The following TMEM201 variants were observed in gnomAD, a reference collection of about 807,000 sequenced individuals.
The protein encoded by TMEM201 is RP13-15M17.2.
In TMEM201, 26 loss-of-function variants were observed where a neutral mutation model predicts 63.4. That is an observed-to-expected ratio of 0.41 (90% CI 0.30 to 0.57). TMEM201 has a LOEUF of 0.57. TMEM201 is among the 20% of genes least tolerant of loss of function. TMEM201 has a pLI of 0.29. For synonymous variants in TMEM201, 417 were observed against 421.6 expected, an observed-to-expected ratio of 0.99 and a Z score of 0.14; for missense variants, 794 against 917.7, an observed-to-expected ratio of 0.87 and a Z score of 1.74.
chr1:9,601,741 G>A (rs970747120), intron 5 of TMEM201, among the ~76,000 whole-genome samples: 1 of 152,110 alleles, frequency 6.6e-6, no homozygotes, highest in East Asian at 1.9e-4. Context: ...CTGCCTCCTG[G>A]GTTGTGGGGG....
chr1:9,607,316 G>A lies in TMEM201; in HGVS notation c.1161-241G>A, dbSNP rs189296851. Among the ~76,000 whole-genome samples, 5 of 152,146 alleles carry A rather than the reference G, an allele frequency of 3.3e-5. No homozygotes were observed. Among genetic ancestry groups the A allele is most frequent in the Non-Finnish European group, 5.9e-5 (4 of 67,986 alleles). On this transcript the variant is annotated intron_variant, in intron 6 of 10. Coordinates refer to ENST00000340381, the MANE Select transcript of TMEM201 (RefSeq NM_001130924.3). This position sits in a 1 kb window ranked among gnomAD's most constrained non-coding sequence, Gnocchi z 5.4. ...TAGTGGAGATAGTTTGCTGTGAGCC[G>A]AGGGGGTAGGAGGGGGCATGTGGGG...
chr1:9,603,467 T>C lies in TMEM201; in HGVS notation c.1160+1195T>C. On this transcript the variant is annotated intron_variant, in intron 6 of 10. Transcript: ENST00000340381. The surrounding 1 kb of genome is among the most constrained non-coding windows in gnomAD (Gnocchi z 4.5). ...GCCCGAGGCCGTCCCTCACCGGGCATGTTCCCTCTGGCTGCCCACTCCCTC... is the reference window on the plus strand; with the variant it reads ...GCCCGAGGCCGTCCCTCACCGGGCACGTTCCCTCTGGCTGCCCACTCCCTC... 4 of 985,410 alleles carry C rather than the reference T, an allele frequency of 4.1e-6. No individual in the cohort carries two copies. Among genetic ancestry groups the C allele is most frequent in the Non-Finnish European group, 4.8e-6 (4 of 829,960 alleles). 61.0% of individuals were successfully genotyped at this position (985,410 alleles called of 1,614,324 possible). A position where few individuals can be genotyped will look rare whatever the true frequency, so the allele number is the denominator to read the frequency against.
chr1:9,593,960 A>G (rs1267313991), intron 1 of TMEM201, among the ~76,000 whole-genome samples: 2 of 152,246 alleles, frequency 1.3e-5, no homozygotes, highest in Non-Finnish European at 2.9e-5. Context: ...GGAGTGCTAG[A>G]TGCGGGCACC....
chr1:9,591,725 C>T (rs1643922262), intron 1 of TMEM201, among the ~76,000 whole-genome samples: 1 of 152,238 alleles, frequency 6.6e-6, no homozygotes, highest in African/African-American at 2.4e-5. Flanking sequence ...GAGCCTCATT[C>T]TGGAAGTCAG....
intron 4 of TMEM201, 26 bp downstream of exon 4, chr1:9,598,651 G>A (rs796531979): frequency 1.9e-6 from 3 of 1,596,880 alleles, no homozygotes; most frequent in South Asian, 2.2e-5. Context: ...CACAGGGCGG[G>A]GGTGGGGGTG....
In TMEM201 at chr1:9,602,263, G is replaced by A. The variant is rs373309849; in HGVS notation, c.1151G>A (p.Arg384Gln). ...TRKATGPRRF[R>Q]PRRFFPGDSA... The stretch of plus-strand genomic sequence containing the variant: ...AAGGCAACGGGCCCACGGAGGTTCC[G>A]GCCCCGAAGGTCAGAGAAGCAGCCA... Residue 384 changes from arginine to glutamine, a missense_variant, in exon 6 of 11, where the codon CGG becomes CAG. Transcript: ENST00000340381. The A allele has an allele frequency of 3.8e-5, 62 of 1,611,220 alleles. No homozygotes were observed. Among genetic ancestry groups the A allele is most frequent in the African/African-American group, 9.3e-5 (7 of 74,988 alleles).
In TMEM201 at chr1:9,613,164, G is replaced by A; in HGVS notation, c.*81G>A. 3 of 1,388,886 alleles carry A rather than the reference G, an allele frequency of 2.2e-6. No homozygotes were observed. The highest frequency in any genetic ancestry group is 3.0e-6 in the Non-Finnish European group (3 of 1,011,120). 86.0% of individuals were successfully genotyped at this position (1,388,886 alleles called of 1,614,324 possible). A position where few individuals can be genotyped will look rare whatever the true frequency, so the allele number is the denominator to read the frequency against. ...GCCGGCCTCAGGACCCTCCCTGGAG[G>A]GGCTGCCACCTCTGCCCTCATCTCC... On this transcript the variant is annotated 3_prime_UTR_variant, in exon 11 of 11. Coordinates refer to ENST00000340381, the MANE Select transcript of TMEM201 (RefSeq NM_001130924.3).
At position 9,594,520 on chromosome 1, in the gene TMEM201, C is replaced by T. The variant is rs555969752; in HGVS notation, c.114-1370C>T. Among the ~76,000 whole-genome samples the T allele has an allele frequency of 6.6e-5, 10 of 152,352 alleles. No homozygotes were observed. In the South Asian group the frequency reaches 1.7e-3, roughly 25 times the overall value. On this transcript the variant is annotated intron_variant, in intron 1 of 10. Coordinates refer to ENST00000340381, the MANE Select transcript of TMEM201 (RefSeq NM_001130924.3). ...TAGGCCAGTCACTGTTAAGTGCGTC[C>T]CACGAGCAGTCCCTTGTGAGGGAGG...
intron 2 of TMEM201, 57 bp from the exon 3 acceptor site, chr1:9,596,802 C>G (rs541033122): frequency 2.9e-5 from 45 of 1,533,680 alleles, no homozygotes; most frequent in Admixed American, 2.2e-4. Context: ...GGGACATCAC[C>G]AAGCCTGAGC....
intron 1 of TMEM201, among the ~76,000 whole-genome samples, chr1:9,594,415 C>G (rs756074776): frequency 6.6e-6 from 1 of 152,134 alleles, no homozygotes; most frequent in African/African-American, 2.4e-5. Context: ...GGGCCTTCCC[C>G]GCAGGGCCTG....
In TMEM201 at chr1:9,597,042, C is replaced by T; in HGVS notation, c.418C>T (p.Pro140Ser). The change falls in exon 3 of 11, where the codon CCC becomes TCC. Residue 140 changes from proline to serine, a missense_variant. Pro to Ser is a moderately conservative substitution (Grantham distance 74). Transcript: ENST00000340381. ...GATCAAGCAGCTGGCCGCCTTCGCT[C>T]CCCGCGAGGAGGTGAGGCCGGGTTG... is the stretch of plus-strand genomic sequence containing the variant. ...TKIKQLAAFA[P>S]REEGRYDEEV... is the part of the protein sequence containing the mutation. The T allele has an allele frequency of 6.2e-7, 1 of 1,604,670 alleles. No homozygotes were observed.
chr1:9,604,374 T>C lies in TMEM201; in HGVS notation c.1160+2102T>C. 1.0e-6 allele frequency: 1 copy of C among 985,458 alleles called. No individual in the cohort carries two copies. The highest frequency in any genetic ancestry group is 1.2e-6 in the Non-Finnish European group (1 of 829,938). The allele number at this position is 985,458 out of a possible 1,614,324, so 61.0% of individuals were successfully genotyped here. ...AGGTAGCTCTCAGCAGAGTGAGGAT[T>C]CCTGCCTTTCGTAGAGTTTTGTGTG... On this transcript the variant is annotated intron_variant, in intron 6 of 10. Coordinates refer to ENST00000340381, the MANE Select transcript of TMEM201 (RefSeq NM_001130924.3). The surrounding 1 kb of genome is among the most constrained non-coding windows in gnomAD (Gnocchi z 4.1).
chr1:9,602,624 C>A (rs1029920084), intron 6 of TMEM201: 5 of 1,205,866 alleles, frequency 4.1e-6, no homozygotes, highest in African/African-American at 1.5e-5. Context: ...CCAGGCACCC[C>A]CCTCTCACCA....
chr1:9,613,510 T>G lies in TMEM201; in HGVS notation c.*427T>G. ...GTCACATCTTTGTACTGTACTCCCC[T>G]GTCTCACCTGGGGCAACCTCAGAGC... On this transcript the variant is annotated 3_prime_UTR_variant, in exon 11 of 11. Coordinates refer to ENST00000340381, the MANE Select transcript of TMEM201 (RefSeq NM_001130924.3). 5.6e-6 allele frequency: 1 copy of G among 179,464 alleles called. No homozygotes were observed. Among genetic ancestry groups the G allele is most frequent in the Non-Finnish European group, 1.2e-5 (1 of 85,262 alleles). 11.1% of individuals were successfully genotyped at this position (179,464 alleles called of 1,614,324 possible). A position where few individuals can be genotyped will look rare whatever the true frequency, so the allele number is the denominator to read the frequency against.
Position 9,609,883 on chromosome 1 carries a change from G to T in TMEM201, c.1437G>T (p.Val479=), listed in dbSNP as rs1644297716. The part of the protein sequence containing the change: ...LFSGSRPPSQ[V]SRSGEFPVSD... ...GCGGTAGCCGCCCACCATCTCAGGT[G>T]TCTCGATCTGGGGAGTTTCCTGTTT... Residue 479 remains valine, a synonymous_variant, in exon 8 of 11, where the codon GTG becomes GTT. Coordinates refer to ENST00000340381, the MANE Select transcript of TMEM201 (RefSeq NM_001130924.3). 1 of 1,551,460 alleles carries T rather than the reference G, an allele frequency of 6.4e-7. No homozygotes were observed. The highest frequency in any genetic ancestry group is 8.7e-7 in the Non-Finnish European group (1 of 1,146,954).
rs1644357615 is a variant in TMEM201 at position 9,613,859 on chromosome 1, AG to A, written c.*779del. 6.6e-6 allele frequency: 1 copy of A among 152,324 alleles called. No homozygotes were observed. The highest frequency in any genetic ancestry group is 2.4e-5 in the African/African-American group (1 of 41,442). 9.4% of individuals were successfully genotyped at this position (152,324 alleles called of 1,614,324 possible). A position where few individuals can be genotyped will look rare whatever the true frequency, so the allele number is the denominator to read the frequency against. On this transcript the variant is annotated 3_prime_UTR_variant, in exon 11 of 11. Coordinates refer to ENST00000340381, the MANE Select transcript of TMEM201 (RefSeq NM_001130924.3). ...GTCCTTCAGCTGCACATGGAACTGC[AG>A]GGCAGGCTGGCGGGGGGCCTTCAGA... is the stretch of plus-strand genomic sequence containing the variant.
Position 9,605,107 on chromosome 1 carries a change from G to A in TMEM201, c.1161-2450G>A, listed in dbSNP as rs1000199329. 2.7e-5 allele frequency: 20 copies of A among 735,122 alleles called. No homozygotes were observed. Among genetic ancestry groups the A allele is most frequent in the African/African-American group, 2.5e-4 (13 of 52,100 alleles). The allele number at this position is 735,122 out of a possible 1,614,324, so 45.5% of individuals were successfully genotyped here. ...AATGACACCAGCTGGCTCGGGGCCC[G>A]GCTCGCCTCCTCGCCTTTGCTGGAT... On this transcript the variant is annotated intron_variant, in intron 6 of 10. Coordinates refer to ENST00000340381, the MANE Select transcript of TMEM201 (RefSeq NM_001130924.3). This position sits in a 1 kb window ranked among gnomAD's most constrained non-coding sequence, Gnocchi z 5.7.
chr1:9,603,352 A>G lies in TMEM201; in HGVS notation c.1160+1080A>G, dbSNP rs1184159256. 1.0e-6 allele frequency: 1 copy of G among 985,354 alleles called. No homozygotes were observed. Among genetic ancestry groups the G allele is most frequent in the Non-Finnish European group, 1.2e-6 (1 of 829,968 alleles). The allele number at this position is 985,354 out of a possible 1,614,324, so 61.0% of individuals were successfully genotyped here. On this transcript the variant is annotated intron_variant, in intron 6 of 10. Coordinates refer to ENST00000340381, the MANE Select transcript of TMEM201 (RefSeq NM_001130924.3). This position sits in a 1 kb window ranked among gnomAD's most constrained non-coding sequence, Gnocchi z 4.5. Reference sequence around the variant, plus strand: ...GTGTGGGGATCACATGAGGTGGCTCATGAGGACACACTCTGGAAGTCGAGG... The same window carrying G: ...GTGTGGGGATCACATGAGGTGGCTCGTGAGGACACACTCTGGAAGTCGAGG...
At position 9,612,405 on chromosome 1, in the gene TMEM201, C is replaced by T. The variant is rs183604866; in HGVS notation, c.1903+515C>T. 4.8e-3 allele frequency among the ~76,000 whole-genome samples: 728 copies of T among 152,278 alleles called. 13 individuals are homozygous for T. Among genetic ancestry groups the T allele is most frequent in the Admixed American group, 0.04 (610 of 15,296 alleles). On this transcript the variant is annotated intron_variant, in intron 10 of 10. Coordinates refer to ENST00000340381, the MANE Select transcript of TMEM201 (RefSeq NM_001130924.3). Reference sequence around the variant, plus strand: ...AACCCTGGGGCTCAGGGGCAAGAGACCAGATCTGTGGTACACATCATCACT... The same window carrying T: ...AACCCTGGGGCTCAGGGGCAAGAGATCAGATCTGTGGTACACATCATCACT...
Sources: allele counts gnomAD v4.1 joint callset (sites outside exome capture counted in the v4.1 genomes callset), GRCh38; gene constraint gnomAD v4.1.1; non-coding constraint Gnocchi (gnomAD v3.1); transcripts MANE v1.5; gene names NCBI Gene and HGNC (gene_info 2026-07-23, HGNC 2026-07-21).